The following ZC3H12B variants were observed in gnomAD, a reference collection of about 807,000 sequenced individuals.
ZC3H12B encodes the protein probable ribonuclease ZC3H12B.
Under a neutral mutation model 43.9 loss-of-function variants are expected in ZC3H12B, and 7 were observed. That is an observed-to-expected ratio of 0.16 (90% CI 0.09 to 0.30). ZC3H12B has a LOEUF of 0.30. ZC3H12B is among the 10% of genes least tolerant of loss of function. The pLI is 1.00. For synonymous variants in ZC3H12B, 222 were observed against 241.7 expected (o/e 0.92, Z 0.76); for missense variants, 475 against 670.2 (o/e 0.71, Z 3.22).
chrX:65,467,618 C>T (rs1040450169), intron 3 of ZC3H12B, among the ~76,000 whole-genome samples: 1 of 111,804 alleles, frequency 8.9e-6, no homozygotes, highest in East Asian at 2.8e-4. Context: ...CATCTATTTG[C>T]TTTTTGACTT....
chrX:65,269,311 C>T, the ZC3H12B span, among the ~76,000 whole-genome samples: 2 of 108,003 alleles, frequency 1.9e-5, no homozygotes, highest in African/African-American at 6.8e-5. Context: ...CACCACTGCA[C>T]TCCAGCCTGG....
the ZC3H12B span, among the ~76,000 whole-genome samples, chrX:65,148,852 G>T: frequency 8.9e-6 from 1 of 111,817 alleles, no homozygotes; most frequent in East Asian, 2.8e-4. Flanking sequence ...ATGTTACTCT[G>T]TGGGGATAAG....
intron 3 of ZC3H12B, among the ~76,000 whole-genome samples, chrX:65,463,578 G>A (rs1400342984): frequency 1.8e-5 from 2 of 111,088 alleles, no homozygotes; most frequent in African/African-American, 3.3e-5. Context: ...CACTCTTTCC[G>A]GAGTTTATAA....
At chrX:65,392,561 C>T (rs1414822807) in intron 2 of ZC3H12B, among the ~76,000 whole-genome samples, 1 of 111,039 alleles carries the variant, frequency 9.0e-6, no homozygotes, top group Non-Finnish European at 1.9e-5. Flanking sequence ...GGGGGTCACC[C>T]CCGCTTGGCA....
chrX:65,111,531 ATTTTTATT>A, the ZC3H12B span, among the ~76,000 whole-genome samples: 2 of 103,085 alleles, frequency 1.9e-5, no homozygotes, highest in East Asian at 2.9e-4. Flanking sequence ...AAGTATTGCA[ATTTTTATT>A]TTTTTATTTT....
At chrX:65,226,371 G>A in the ZC3H12B span, among the ~76,000 whole-genome samples, 49 of 111,243 alleles carry the variant, frequency 4.4e-4, no homozygotes, top group East Asian at 0.013. Flanking sequence ...CCTGAAGGAA[G>A]CAATAAACAT....
the ZC3H12B span, among the ~76,000 whole-genome samples, chrX:65,277,491 T>G: frequency 8.9e-6 from 1 of 111,876 alleles, no homozygotes; most frequent in Non-Finnish European, 1.9e-5. Flanking sequence ...AAAAAAAATT[T>G]AAAAAATCAA....
the ZC3H12B span, among the ~76,000 whole-genome samples, chrX:65,283,764 G>C: frequency 1.8e-5 from 2 of 111,534 alleles, no homozygotes; most frequent in Non-Finnish European, 1.9e-5. Flanking sequence ...ACTGTACACT[G>C]TCATGCTACC....
At chrX:65,317,816 T>C in the ZC3H12B span, among the ~76,000 whole-genome samples, 1 of 102,138 alleles carries the variant, frequency 9.8e-6, no homozygotes, top group South Asian at 4.3e-4. Flanking sequence ...ACACACACTA[T>C]ATATATATAC....
At chrX:65,247,411 C>G in the ZC3H12B span, among the ~76,000 whole-genome samples, 6 of 112,292 alleles carry the variant, frequency 5.3e-5, no homozygotes, top group Non-Finnish European at 1.1e-4. Flanking sequence ...GAATATAAAT[C>G]AGTCTGCTAT....
chrX:65,383,537 G>T (rs1239035372), intron 2 of ZC3H12B, among the ~76,000 whole-genome samples: 9 of 111,529 alleles, frequency 8.1e-5, no homozygotes, highest in Non-Finnish European at 5.6e-5. Context: ...CAGGACATAG[G>T]CTTGGGCAAG....
At chrX:65,499,105 C>T (rs1602539841) in exon 3 of ZC3H12B, 5 of 1,210,926 alleles carry the variant, frequency 4.1e-6, no homozygotes, top group Non-Finnish European at 4.5e-6. Flanking sequence ...GGTTCATAGT[C>T]AAACTGGCTT....
the ZC3H12B span, among the ~76,000 whole-genome samples, chrX:65,167,390 C>T: frequency 1.8e-5 from 2 of 111,185 alleles, no homozygotes; most frequent in African/African-American, 6.6e-5. Flanking sequence ...CTGTTCTGTT[C>T]TATTGGTCTA....
chrX:65,331,514 G>A, the ZC3H12B span, among the ~76,000 whole-genome samples: 3 of 109,858 alleles, frequency 2.7e-5, no homozygotes, highest in Admixed American at 1.9e-4. Flanking sequence ...AGTAGTCTAA[G>A]GGTACAAAGC....
the ZC3H12B span, among the ~76,000 whole-genome samples, chrX:65,297,536 T>G: frequency 8.9e-6 from 1 of 111,829 alleles, no homozygotes; most frequent in African/African-American, 3.2e-5. Flanking sequence ...TGCTGATGGA[T>G]GGCTAGAATC....
intron 3 of ZC3H12B, among the ~76,000 whole-genome samples, chrX:65,448,504 A>T (rs990316014): frequency 9.0e-6 from 1 of 111,490 alleles, no homozygotes; most frequent in Non-Finnish European, 1.9e-5. Context: ...CTAAGTGCCC[A>T]TCAACAAATG....
the ZC3H12B span, among the ~76,000 whole-genome samples, chrX:65,299,395 G>A: frequency 7.1e-4 from 80 of 112,084 alleles, no homozygotes; most frequent in Non-Finnish European, 9.0e-4. Context: ...CAGAATATTA[G>A]CAGATGATGT....
the ZC3H12B span, among the ~76,000 whole-genome samples, chrX:65,171,315 C>G: frequency 3.6e-5 from 4 of 110,948 alleles, no homozygotes; most frequent in Admixed American, 1.9e-4. Context: ...CACTCCAGAC[C>G]CTGTTTTCCT....
chrX:65,184,941 A>G, the ZC3H12B span: 1 of 111,677 alleles, frequency 9.0e-6, no homozygotes, highest in Non-Finnish European at 1.9e-5. Context: ...TATGCATTGT[A>G]TATATTACTT....
Sources: allele counts gnomAD v4.1 joint callset (sites outside exome capture counted in the v4.1 genomes callset), GRCh38; gene constraint gnomAD v4.1.1; transcripts MANE v1.5; gene names NCBI Gene and HGNC (gene_info 2026-07-23, HGNC 2026-07-21).